MBTD1: variants seen among roughly 807,000 people sequenced by gnomAD.
MBTD1 encodes the protein mbt domain containing 1.
A neutral mutation model predicts 87.8 loss-of-function variants in MBTD1; 24 were observed. The observed-to-expected ratio is 0.27, with a 90% CI of 0.20 to 0.38. The LOEUF (loss-of-function observed/expected upper bound fraction) is 0.38. Among genes scored for constraint, MBTD1 ranks in the 10% least tolerant of loss-of-function variants. The pLI, the probability that MBTD1 is intolerant of heterozygous loss-of-function variation, is 1.00. For synonymous variants in MBTD1, 237 were observed against 248.6 expected (o/e 0.95, Z 0.44); for missense variants, 436 against 760.2 (o/e 0.57, Z 5.02).
intron 2 of MBTD1, among the ~76,000 whole-genome samples, chr17:51,246,229 T>C (rs1025747147): frequency 6.6e-6 from 1 of 152,234 alleles, no homozygotes; most frequent in East Asian, 1.9e-4. Context: ...ATCCAACTTA[T>C]ACACATAGCC....
chr17:51,193,094 A>C, intron 14 of MBTD1, 78 bp from the exon 15 acceptor site: 1 of 904,652 alleles, frequency 1.1e-6, no homozygotes, highest in East Asian at 2.4e-5. Context: ...AGAAAGCAAA[A>C]AACAGAAGCG....
At chr17:51,249,094 C>CAAA (rs34803999) in intron 2 of MBTD1, among the ~76,000 whole-genome samples, 4 of 132,608 alleles carry the variant, frequency 3.0e-5, no homozygotes, top group South Asian at 2.3e-4. Context: ...CTACAATAAG[C>CAAA]AAAAAAAAAA....
chr17:51,197,067 T>TGGAGG (rs2051163677), intron 12 of MBTD1, among the ~76,000 whole-genome samples: 2 of 1,976 alleles, frequency 1.0e-3, no homozygotes, highest in Admixed American at 5.6e-3. Flanking sequence ...TATATATATA[T>TGGAGG]ATATATATAT....
chr17:51,188,480 G>GC (rs1263354018), intron 16 of MBTD1, among the ~76,000 whole-genome samples: 2 of 152,166 alleles, frequency 1.3e-5, no homozygotes, highest in African/African-American at 4.8e-5. Flanking sequence ...GTAAGATGAA[G>GC]CAACAGAGCC....
intron 2 of MBTD1, among the ~76,000 whole-genome samples, chr17:51,235,252 T>C (rs1166313814): frequency 3.3e-5 from 5 of 151,922 alleles, no homozygotes; most frequent in African/African-American, 2.4e-5. Flanking sequence ...TCTCGTGCCT[T>C]AGCCTCCTGA....
upstream of MBTD1, chr17:51,260,458 A>C (rs961397847): frequency 2.5e-5 from 26 of 1,023,304 alleles, no homozygotes; most frequent in Non-Finnish European, 3.5e-5. Flanking sequence ...AGTGCTGGTC[A>C]CGTGGCAAGA....
intron 13 of MBTD1, among the ~76,000 whole-genome samples, chr17:51,194,054 AT>A (rs1416755178): frequency 1.3e-5 from 2 of 152,198 alleles, no homozygotes; most frequent in African/African-American, 4.8e-5. Context: ...ACAATGGTAC[AT>A]TTTTGCTCTT....
At chr17:51,232,924 T>C (rs1207660434) in intron 2 of MBTD1, among the ~76,000 whole-genome samples, 1 of 151,636 alleles carries the variant, frequency 6.6e-6, no homozygotes, top group Non-Finnish European at 1.5e-5. Flanking sequence ...TGGTGGTATG[T>C]GCTTGTGGTC....
chr17:51,199,185 G>GT (rs1272812277), intron 12 of MBTD1, among the ~76,000 whole-genome samples: 4 of 151,730 alleles, frequency 2.6e-5, no homozygotes, highest in Non-Finnish European at 5.9e-5. Flanking sequence ...TGCAACCTCT[G>GT]TGTCTTGGGT....
rs139861834 is a variant in MBTD1 at position 51,193,002 on chromosome 17, G to A, written c.1470C>T (p.His490=). 3.2e-5 allele frequency: 51 copies of A among 1,609,858 alleles called. No individual in the cohort carries two copies. In the African/African-American group the frequency reaches 4.1e-4, roughly 13 times the overall value. Residue 490 remains histidine (H), a synonymous_variant, in exon 15 of 17, where the codon CAC becomes CAT. Transcript: ENST00000586178. The part of the protein sequence containing the change: ...VKLFNKDVPN[H]GFRVGMKLEA... ...CTAATTTCATTCCTACACGAAATCC[G>A]TGATTTGGAACATCCTGACACAGAG... is the stretch of plus-strand genomic sequence containing the variant.
chr17:51,180,763 C>T (rs1163877792), intron 16 of MBTD1, 69 bp from the exon 17 acceptor site: 16 of 792,772 alleles, frequency 2.0e-5, no homozygotes, highest in Non-Finnish European at 2.8e-5. Flanking sequence ...CTGTGATCTT[C>T]GTGTTCCGTC....
intron 2 of MBTD1, among the ~76,000 whole-genome samples, chr17:51,255,054 G>A (rs997862002): frequency 6.6e-6 from 1 of 152,068 alleles, no homozygotes; most frequent in African/African-American, 2.4e-5. Context: ...AGGCTGAGGC[G>A]GGCAGATCAC....
rs202123936 is a variant in MBTD1, at chr17:51,201,126, C to CA, written c.1224+465dup. Among the ~76,000 whole-genome samples, 296 of 149,356 alleles carry CA rather than the reference C, an allele frequency of 2.0e-3. 1 individual carries two copies. The highest frequency in any genetic ancestry group is 4.7e-3 in the East Asian group (24 of 5,100). On this transcript the variant is annotated intron_variant, in intron 12 of 16. Coordinates refer to ENST00000586178, the MANE Select transcript of MBTD1 (RefSeq NM_017643.3). ...CCTAGGCGACAGAGAGAGACTGTCT[C>CA]AAAAAAAAATGAACAAACAAACAAA...
At chr17:51,207,111 T>C (rs1271263937) in intron 6 of MBTD1, 106 bp from the exon 7 acceptor site, 2 of 582,626 alleles carry the variant, frequency 3.4e-6, no homozygotes, top group African/African-American at 3.7e-5. Context: ...AAACTAAAAA[T>C]GTCATTTTAA....
At chr17:51,217,711 T>C (rs1396891467) in intron 5 of MBTD1, among the ~76,000 whole-genome samples, 1 of 152,100 alleles carries the variant, frequency 6.6e-6, no homozygotes. Context: ...CAGGTTCAAG[T>C]GATTCTCCTG....
chr17:51,223,608 G>A (rs891622962), intron 3 of MBTD1, among the ~76,000 whole-genome samples: 4 of 152,124 alleles, frequency 2.6e-5, no homozygotes, highest in Non-Finnish European at 5.9e-5. Context: ...GGCCGAGGCA[G>A]GCAGATTGCT....
chr17:51,259,413 C>A (rs62060087), intron 1 of MBTD1, among the ~76,000 whole-genome samples: 25,064 of 152,020 alleles, frequency 0.16, 2,338 homozygotes, highest in Admixed American at 0.24. Flanking sequence ...GGCAGATAGA[C>A]ACCTTCCCCT....
intron 1 of MBTD1, 137 bp from the exon 2 acceptor site, chr17:51,259,343 C>T (rs1319972572): frequency 4.2e-6 from 4 of 949,538 alleles, no homozygotes; most frequent in South Asian, 5.5e-5. Flanking sequence ...ACGTGCCCAC[C>T]CCGCCCCCTT....
intron 2 of MBTD1, among the ~76,000 whole-genome samples, chr17:51,233,419 G>C (rs550761841): frequency 1.3e-5 from 2 of 152,270 alleles, no homozygotes; most frequent in South Asian, 4.1e-4. Context: ...CTTCAGAGAT[G>C]TAAGAATAGG....
Sources: allele counts gnomAD v4.1 joint callset (sites outside exome capture counted in the v4.1 genomes callset), GRCh38; gene constraint gnomAD v4.1.1; transcripts MANE v1.5; gene names NCBI Gene and HGNC (gene_info 2026-07-23, HGNC 2026-07-21).